ARL13B: variants seen among roughly 807,000 people sequenced by gnomAD.
The protein encoded by ARL13B is ADP-ribosylation factor-like protein 13B.
Under a neutral mutation model 56.1 loss-of-function variants are expected in ARL13B, and 36 were observed. That is an observed-to-expected ratio of 0.64 (90% CI 0.49 to 0.85). The LOEUF is 0.85. Among genes scored for constraint, ARL13B ranks in the 40% least tolerant of loss-of-function variants. The pLI, the probability that ARL13B is intolerant of heterozygous loss-of-function variation, is 0.00. For synonymous variants in ARL13B, 178 were observed against 171.1 expected (o/e 1.04, Z -0.32); for missense variants, 519 against 507.1 (o/e 1.02, Z -0.23).
intron 3 of ARL13B, among the ~76,000 whole-genome samples, chr3:94,006,413 T>C (rs928888073): frequency 1.1e-4 from 16 of 152,198 alleles, no homozygotes; most frequent in Admixed American, 7.9e-4. Flanking sequence ...TTTTTCTCTC[T>C]GACTTGCAAT....
In ARL13B at chr3:94,003,871, C is replaced by T. The variant is rs1189004964; in HGVS notation, c.343C>T (p.Leu115=). The change falls in exon 3 of 10, where the codon CTA becomes TTA. Residue 115 remains leucine (L), a synonymous_variant. Transcript: ENST00000394222. Reference sequence around the variant, plus strand: ...GACAAAAGAGGCTATGTCAGAAATGCTAAGACATCCTAGGATATCGGGAAA... The same window carrying T: ...GACAAAAGAGGCTATGTCAGAAATGTTAAGACATCCTAGGATATCGGGAAA... ...EETKEAMSEM[L]RHPRISGKPI... is the part of the protein sequence containing the mutation. 5.0e-6 allele frequency: 8 copies of T among 1,613,172 alleles called. No individual in the cohort carries two copies. In the East Asian group the frequency reaches 6.7e-5, roughly 14 times the overall value.
intron 1 of ARL13B, among the ~76,000 whole-genome samples, chr3:93,988,052 T>C (rs1710553322): frequency 6.6e-6 from 1 of 152,200 alleles, no homozygotes; most frequent in African/African-American, 2.4e-5. Flanking sequence ...TGATAAGCTG[T>C]ACACGTTCTA....
At chr3:94,011,624 C>T (rs1055716685) in intron 3 of ARL13B, among the ~76,000 whole-genome samples, 3 of 152,136 alleles carry the variant, frequency 2.0e-5, no homozygotes, top group African/African-American at 7.2e-5. Flanking sequence ...AGTCCAGCTT[C>T]TGCATTTGTG....
chr3:94,051,595 T>C (rs2077068406), intron 9 of ARL13B, among the ~76,000 whole-genome samples: 1 of 152,082 alleles, frequency 6.6e-6, no homozygotes, highest in Non-Finnish European at 1.5e-5. Flanking sequence ...TCAGTCTAGG[T>C]CCCTTCAGTA....
At chr3:93,982,560 A>G (rs1710270411) in intron 1 of ARL13B, among the ~76,000 whole-genome samples, 1 of 152,252 alleles carries the variant, frequency 6.6e-6, no homozygotes, top group Admixed American at 6.5e-5. Context: ...ATATATTAGA[A>G]TTAACTTTTT....
chr3:94,017,047 G>A (rs988222093), intron 3 of ARL13B, among the ~76,000 whole-genome samples: 2 of 152,132 alleles, frequency 1.3e-5, no homozygotes, highest in African/African-American at 4.8e-5. Flanking sequence ...ATGCTATTCA[G>A]AGCAAATTGC....
chr3:93,992,984 T>C (rs1038912366), intron 1 of ARL13B, among the ~76,000 whole-genome samples: 4 of 151,112 alleles, frequency 2.6e-5, no homozygotes, highest in African/African-American at 9.7e-5. Flanking sequence ...TTTTTTTTTT[T>C]TGTAGTGATG....
At chr3:94,001,432 C>A (rs2076054041) in intron 2 of ARL13B, among the ~76,000 whole-genome samples, 2 of 152,188 alleles carry the variant, frequency 1.3e-5, no homozygotes, top group Non-Finnish European at 2.9e-5. Context: ...TCTCCCTTCT[C>A]TGTTACAATT....
At chr3:94,007,571 G>A (rs1165335367) in intron 3 of ARL13B, among the ~76,000 whole-genome samples, 2 of 152,118 alleles carry the variant, frequency 1.3e-5, no homozygotes, top group Non-Finnish European at 2.9e-5. Flanking sequence ...GAGAAAATGA[G>A]GAAGATGCAG....
chr3:94,005,387 GC>G (rs1271743236), intron 3 of ARL13B, among the ~76,000 whole-genome samples: 1 of 152,154 alleles, frequency 6.6e-6, no homozygotes, highest in African/African-American at 2.4e-5. Context: ...ATCCTAATAG[GC>G]CTTATTGAGA....
intron 3 of ARL13B, among the ~76,000 whole-genome samples, chr3:94,025,430 G>T (rs2076535994): frequency 6.6e-6 from 1 of 152,108 alleles, no homozygotes; most frequent in South Asian, 2.1e-4. Flanking sequence ...TGGATCCTAT[G>T]CCTGTATTTC....
chr3:94,005,747 G>T (rs1255411612), intron 3 of ARL13B, among the ~76,000 whole-genome samples: 1 of 152,074 alleles, frequency 6.6e-6, no homozygotes, highest in Non-Finnish European at 1.5e-5. Flanking sequence ...ATTATTAAAG[G>T]TAAACTGCTT....
intron 3 of ARL13B, among the ~76,000 whole-genome samples, chr3:94,012,995 T>C (rs2076251723): frequency 6.6e-6 from 1 of 152,190 alleles, no homozygotes; most frequent in Non-Finnish European, 1.5e-5. Context: ...TTCCATGGCT[T>C]ACAAAACCTT....
intron 3 of ARL13B, 78 bp from the exon 4 acceptor site, chr3:94,035,253 A>G: frequency 1.9e-6 from 2 of 1,071,258 alleles, no homozygotes; most frequent in Non-Finnish European, 2.8e-6. Context: ...AAAAAAAAAA[A>G]AGAATGTGGT....
At position 94,003,904 on chromosome 3, in the gene ARL13B, T is replaced by C. The variant is rs779512785; in HGVS notation, c.376T>C (p.Leu126=). The C allele has an allele frequency of 1.9e-6, 3 of 1,613,306 alleles. No homozygotes were observed. Among genetic ancestry groups the C allele is most frequent in the African/African-American group, 1.3e-5 (1 of 75,016 alleles). The change falls in exon 3 of 10, where the codon TTG becomes CTG. Residue 126 remains leucine, a synonymous_variant. Coordinates refer to ENST00000394222, the MANE Select transcript of ARL13B (RefSeq NM_001174150.2). ...TCCTAGGATATCGGGAAAGCCTATA[T>C]TGGTGTAAGTAATGTTAGCATCATT... is the stretch of plus-strand genomic sequence containing the variant. ...RHPRISGKPI[L]VLANKQDKEG...
intron 8 of ARL13B, among the ~76,000 whole-genome samples, chr3:94,050,167 A>G (rs746007332): frequency 1.9e-4 from 20 of 104,642 alleles, no homozygotes; most frequent in South Asian, 6.4e-4. Context: ...CCATCTCGGG[A>G]AAAAAAAAAA....
chr3:94,014,565 C>T, intron 3 of ARL13B: 1 of 1,612,322 alleles, frequency 6.2e-7, no homozygotes, highest in Non-Finnish European at 8.5e-7. Flanking sequence ...AAAGAGATAT[C>T]TGAATGAAAA....
At chr3:94,005,623 G>T (rs1356908346) in intron 3 of ARL13B, among the ~76,000 whole-genome samples, 1 of 152,178 alleles carries the variant, frequency 6.6e-6, no homozygotes, top group African/African-American at 2.4e-5. Context: ...CATAGTTAGT[G>T]AGAATTCACA....
Position 93,980,355 on chromosome 3 carries a change from C to A in ARL13B, c.-69C>A. Reference sequence around the variant, plus strand: ...GGGCGTCTCGGAGTGCCGGAGGCCCCCGGGGAAGAGCGGGGTGCCGGTGTC... The same window carrying A: ...GGGCGTCTCGGAGTGCCGGAGGCCCACGGGGAAGAGCGGGGTGCCGGTGTC... On this transcript the variant is annotated 5_prime_UTR_variant, in exon 1 of 10. Coordinates refer to ENST00000394222, the MANE Select transcript of ARL13B (RefSeq NM_001174150.2). The A allele has an allele frequency of 6.3e-7, 1 of 1,596,486 alleles. No homozygotes were observed. Among genetic ancestry groups the A allele is most frequent in the Non-Finnish European group, 8.5e-7 (1 of 1,172,588 alleles).
Sources: gnomAD v4.1 joint callset for allele counts (sites outside exome capture counted in the v4.1 genomes callset) on GRCh38, gnomAD v4.1.1 for gene constraint, MANE v1.5 for transcripts, NCBI Gene and HGNC (gene_info 2026-07-23, HGNC 2026-07-21) for gene names.